Variants in LTN1 observed in about 807,000 individuals in gnomAD.
LTN1 encodes listerin E3 ubiquitin protein ligase 1.
A neutral mutation model predicts 201.2 loss-of-function variants in LTN1; 88 were observed. The observed-to-expected ratio is 0.44, with a 90% CI of 0.37 to 0.52. LTN1 has a LOEUF of 0.52. LTN1 is among the 20% of genes least tolerant of loss of function. LTN1 has a pLI of 0.00. For missense variants in LTN1, 1,752 were observed against 2,038.7 expected (o/e 0.86, Z 2.71); for synonymous variants, 645 against 713.5 (o/e 0.90, Z 1.53).
At chr21:28,947,318 G>T in intron 19 of LTN1, 146 bp downstream of exon 19, 1 of 612,770 alleles carries the variant, frequency 1.6e-6, no homozygotes, top group Non-Finnish European at 2.6e-6. Context: ...AACAGCCACT[G>T]TCTAACAACA....
intron 15 of LTN1, 55 bp from the exon 16 acceptor site, chr21:28,957,003 T>C (rs192425736): frequency 3.3e-4 from 349 of 1,063,688 alleles, no homozygotes; most frequent in African/African-American, 3.0e-3. Context: ...CAATTGAGAC[T>C]GAACAAAAAT....
At chr21:28,932,746 G>T in intron 27 of LTN1, 82 bp from the exon 28 acceptor site, 2 of 885,244 alleles carry the variant, frequency 2.3e-6, no homozygotes, top group Non-Finnish European at 3.6e-6. Context: ...ACTATTAAAA[G>T]CTAAAGACTT....
rs1405535667 is a variant in LTN1, at chr21:28,970,585, A to C, written c.1142T>G (p.Phe381Cys). Residue 381 changes from phenylalanine to cysteine, a missense_variant, in exon 8 of 30, where the codon TTC becomes TGC. By Grantham distance (205) the Phe-to-Cys change is radical (BLOSUM62 -2). Transcript: ENST00000361371. ...PQSITNPKLD[F>C]FKNFLTSLVA... ...TAGAGACGTGAGGAAATTTTTGAAG[A>C]AATCCAACTTTGGATTTGTGATGGA... 6.2e-7 allele frequency: 1 copy of C among 1,613,278 alleles called. No homozygotes were observed. The highest frequency in any genetic ancestry group is 1.1e-5 in the South Asian group (1 of 90,622).
intron 19 of LTN1, 68 bp from the exon 20 acceptor site, chr21:28,946,355 C>G (rs1454122091): frequency 9.3e-7 from 1 of 1,069,594 alleles, no homozygotes; most frequent in Non-Finnish European, 1.3e-6. Flanking sequence ...AAAAAAAAGT[C>G]CACTTTGAGA....
chr21:28,954,377 T>C (rs1017814851), intron 16 of LTN1, among the ~76,000 whole-genome samples: 8 of 152,198 alleles, frequency 5.3e-5, no homozygotes, highest in African/African-American at 1.9e-4. Context: ...ATTCTCTACC[T>C]TTAATACCAT....
chr21:28,928,161 A>G lies in LTN1; in HGVS notation c.*2287T>C, dbSNP rs1226046452. The G allele has an allele frequency of 6.6e-6, 1 of 152,602 alleles. No individual in the cohort carries two copies. The highest frequency in any genetic ancestry group is 1.5e-5 in the Non-Finnish European group (1 of 68,030). 9.5% of individuals were successfully genotyped at this position (152,602 alleles called of 1,614,324 possible). A position where few individuals can be genotyped will look rare whatever the true frequency, so the allele number is the denominator to read the frequency against. ...CGCCAGGGAGAAGTACAAAAGAGTA[A>G]CATTTTATTTATTTAAAAATCAGAA... On this transcript the variant is annotated 3_prime_UTR_variant, in exon 30 of 30. Transcript: ENST00000361371.
intron 3 of LTN1, among the ~76,000 whole-genome samples, chr21:28,985,135 G>T (rs2084687516): frequency 1.3e-5 from 2 of 152,076 alleles, no homozygotes; most frequent in African/African-American, 4.8e-5. Context: ...TTCTCCCAAT[G>T]AGATAGGATT....
rs776267322 is a variant in LTN1, at chr21:28,986,798, A to G, written c.179T>C (p.Leu60Pro). Residue 60 changes from leucine (L) to proline (P), a missense_variant, in exon 2 of 30, where the codon CTT becomes CCT. This residue lies in a region of LTN1 where 280 missense variants were observed against 375.7 expected (regional missense o/e 0.75). Coordinates refer to ENST00000361371, the MANE Select transcript of LTN1 (RefSeq NM_015565.3). This position sits in a 1 kb window ranked among gnomAD's most constrained non-coding sequence, Gnocchi z 4.1. ...CACCATTCGGAAATCAGAATCTACAAGACTGTCAATTTCTTCAGCTCCTTG... is the reference window on the plus strand; with the variant it reads ...CACCATTCGGAAATCAGAATCTACAGGACTGTCAATTTCTTCAGCTCCTTG... Reference protein sequence around the residue: ...AIQGAEEIDSLVDSDFRMVLR... With the variant: ...AIQGAEEIDSPVDSDFRMVLR... The G allele has an allele frequency of 3.1e-6, 5 of 1,614,116 alleles. No homozygotes were observed. Among genetic ancestry groups the G allele is most frequent in the Non-Finnish European group, 4.2e-6 (5 of 1,179,962 alleles).
In LTN1 at chr21:28,959,033, C is replaced by T. The variant is rs138791624; in HGVS notation, c.2593+425G>A. ...CCTTTCACAAATAAGTCTGAATTAG[C>T]ATATAAGGCAAGAATATAGTCCTTA... On this transcript the variant is annotated intron_variant, in intron 13 of 29. Transcript: ENST00000361371. Among the ~76,000 whole-genome samples the T allele has an allele frequency of 3.0e-3, 455 of 152,144 alleles. 7 individuals carry two copies. Among genetic ancestry groups the T allele is most frequent in the African/African-American group, 9.6e-3 (399 of 41,526 alleles).
chr21:28,946,478 C>A lies in LTN1; in HGVS notation c.3488-191G>T, dbSNP rs116610584. On this transcript the variant is annotated intron_variant, in intron 19 of 29. Coordinates refer to ENST00000361371, the MANE Select transcript of LTN1 (RefSeq NM_015565.3). ...AAAGGGCAGAGACCCTGTCTCCAAA[C>A]CCAGCACCTAGCACACAATAGAGAA... 7.1e-3 allele frequency among the ~76,000 whole-genome samples: 1,085 copies of A among 152,254 alleles called. 8 individuals carry two copies. The highest frequency in any genetic ancestry group is 0.025 in the African/African-American group (1,019 of 41,540).
intron 29 of LTN1, 86 bp from the exon 30 acceptor site, chr21:28,930,596 A>ATAC: frequency 1.2e-6 from 1 of 833,650 alleles, no homozygotes; most frequent in South Asian, 1.7e-5. Flanking sequence ...CATCTATAGT[A>ATAC]ACCTTCAAAT....
Position 28,959,471 on chromosome 21 carries a change from T to C in LTN1, c.2580A>G (p.Lys860=). 1.2e-6 allele frequency: 2 copies of C among 1,612,600 alleles called. No individual in the cohort carries two copies. Among genetic ancestry groups the C allele is most frequent in the Non-Finnish European group, 1.7e-6 (2 of 1,179,094 alleles). The change falls in exon 13 of 30, where the codon AAA becomes AAG. Residue 860 remains lysine (K), a synonymous_variant. Transcript: ENST00000361371. The part of the protein sequence containing the change: ...LFQLCAQSKE[K]THLPDFLICK... ...GTAGGCTATTACCTGGCAAATGTGT[T>C]TTTTCTTTGCTCTGAGCACATAACT...
intron 20 of LTN1, 81 bp from the exon 21 acceptor site, chr21:28,946,032 T>C (rs1403703185): frequency 2.1e-6 from 3 of 1,431,812 alleles, no homozygotes; most frequent in South Asian, 2.6e-5. Flanking sequence ...AAATCTTACA[T>C]ACTTATTTAT....
At position 28,967,086 on chromosome 21, in the gene LTN1, C is replaced by A. The variant is rs1191661407; in HGVS notation, c.1405G>T (p.Ala469Ser). Residue 469 changes from alanine (A) to serine (S), a missense_variant, in exon 10 of 30, where the codon GCC (alanine) becomes TCC (serine). Around this residue, in one of 3 missense-constraint regions of LTN1, gnomAD observed 1,211 missense variants for 1,312.8 expected, o/e 0.92. Transcript: ENST00000361371. ...HLAETLSSWEAKADTEKDEKT... is the reference protein window; with the variant it reads ...HLAETLSSWESKADTEKDEKT... ...TCATCTTTTTCCGTGTCTGCTTTGG[C>A]TTCCCAGGAACTTAGAGTTTCTGCT... 6.2e-7 allele frequency: 1 copy of A among 1,614,112 alleles called. No homozygotes were observed. Among genetic ancestry groups the A allele is most frequent in the Non-Finnish European group, 8.5e-7 (1 of 1,179,998 alleles).
intron 6 of LTN1, among the ~76,000 whole-genome samples, chr21:28,973,721 T>C (rs1474911800): frequency 6.6e-6 from 1 of 152,114 alleles, no homozygotes; most frequent in African/African-American, 2.4e-5. Flanking sequence ...TATTCTAGAA[T>C]GCAAAAGACC....
intron 19 of LTN1, 104 bp downstream of exon 19, chr21:28,947,360 G>A: frequency 2.2e-6 from 2 of 904,246 alleles, no homozygotes; most frequent in Non-Finnish European, 3.2e-6. Flanking sequence ...CAAATCAGCT[G>A]TAATTCAATT....
intron 5 of LTN1, 140 bp from the exon 6 acceptor site, chr21:28,981,439 C>G (rs780681571): frequency 4.4e-6 from 2 of 449,984 alleles, no homozygotes; most frequent in Non-Finnish European, 7.7e-6. Flanking sequence ...CCTGTGCCAA[C>G]GCCCCTCAAA....
At chr21:28,937,102 A>T (rs536199736) in intron 25 of LTN1, among the ~76,000 whole-genome samples, 119 of 152,342 alleles carry the variant, frequency 7.8e-4, no homozygotes, top group Middle Eastern at 6.8e-3. Flanking sequence ...CCAAAATGTC[A>T]TGGGGGTCTT....
In LTN1 at chr21:28,955,275, G is replaced by A. The variant is rs544790975; in HGVS notation, c.3079+1487C>T. Among the ~76,000 whole-genome samples, 5 of 152,020 alleles carry A rather than the reference G, an allele frequency of 3.3e-5. No homozygotes were observed. The East Asian group carries it at 7.7e-4, about 24-fold the overall frequency. ...TTGAGCCCAGGATAAAGACCTGTCT[G>A]GGCAACATAGTAACACCCCATCTCT... On this transcript the variant is annotated intron_variant, in intron 16 of 29. Coordinates refer to ENST00000361371, the MANE Select transcript of LTN1 (RefSeq NM_015565.3).
Sources: allele counts gnomAD v4.1 joint callset (sites outside exome capture counted in the v4.1 genomes callset), GRCh38; gene constraint gnomAD v4.1.1; regional missense constraint gnomAD v4.1.1; non-coding constraint Gnocchi (gnomAD v3.1); transcripts MANE v1.5; gene names NCBI Gene and HGNC (gene_info 2026-07-23, HGNC 2026-07-21).